NHLRC2: variants seen among roughly 807,000 people sequenced by gnomAD.
The protein encoded by NHLRC2 is NHL repeat containing 2, also known as NHL repeat-containing protein 2.
A neutral mutation model predicts 68.1 loss-of-function variants in NHLRC2; 33 were observed. That is an observed-to-expected ratio of 0.48 (90% CI 0.37 to 0.65). NHLRC2 has a LOEUF of 0.65. Among genes scored for constraint, NHLRC2 ranks in the 30% least tolerant of loss-of-function variants. NHLRC2 has a pLI of 0.00. For synonymous variants in NHLRC2, 311 were observed against 309.6 expected (o/e 1.00, Z -0.05); for missense variants, 761 against 853.8 (o/e 0.89, Z 1.35).
At chr10:113,867,046 A>G (rs949939798) in intron 2 of NHLRC2, among the ~76,000 whole-genome samples, 2 of 152,208 alleles carry the variant, frequency 1.3e-5, no homozygotes, top group African/African-American at 4.8e-5. Flanking sequence ...GGGGCTGGTC[A>G]TGTAGGCAGC....
chr10:113,884,218 C>G (rs748639621), intron 4 of NHLRC2, 33 bp from the exon 5 acceptor site: 14 of 1,588,630 alleles, frequency 8.8e-6, no homozygotes, highest in Non-Finnish European at 1.2e-5. Flanking sequence ...AAGTAACATT[C>G]ATTGCATAAA....
At chr10:113,900,756 C>T (rs1478562758) in intron 6 of NHLRC2, among the ~76,000 whole-genome samples, 56 of 152,248 alleles carry the variant, frequency 3.7e-4, no homozygotes, top group Non-Finnish European at 1.5e-5. Flanking sequence ...TTTATGCGTG[C>T]TAAATCCCTT....
At chr10:113,900,843 T>C (rs568591666) in intron 6 of NHLRC2, among the ~76,000 whole-genome samples, 1 of 152,280 alleles carries the variant, frequency 6.6e-6, no homozygotes, top group South Asian at 2.1e-4. Flanking sequence ...TTCAGACTTT[T>C]GCATGTTGTA....
intron 7 of NHLRC2, among the ~76,000 whole-genome samples, chr10:113,902,145 T>C (rs1846234763): frequency 1.3e-5 from 2 of 152,164 alleles, no homozygotes. Context: ...GGATGAAGCA[T>C]TGATTATTGG....
chr10:113,898,237 G>C (rs750958241), intron 6 of NHLRC2, 28 bp downstream of exon 6: 1 of 1,382,998 alleles, frequency 7.2e-7, no homozygotes, highest in Non-Finnish European at 1.0e-6. Context: ...TCTTTGAGTA[G>C]ACTGTACTAC....
rs1043275172 is a variant in NHLRC2 at position 113,910,583 on chromosome 10, A to G, written c.*2047A>G. The stretch of plus-strand genomic sequence containing the variant: ...GACAGGATGAGAATATTTTGGCCCA[A>G]TCATTTTCTGTTTAAGGACTTAAAC... On this transcript the variant is annotated 3_prime_UTR_variant, in exon 11 of 11. Transcript: ENST00000369301. The G allele has an allele frequency of 1.1e-4, 17 of 152,204 alleles. No homozygotes were observed. The highest frequency in any genetic ancestry group is 3.9e-4 in the African/African-American group (16 of 41,456). The allele number at this position is 152,204 out of a possible 1,614,324, so 9.4% of individuals were successfully genotyped here. A position where few individuals can be genotyped will look rare whatever the true frequency, so the allele number is the denominator to read the frequency against.
intron 3 of NHLRC2, 146 bp downstream of exon 3, chr10:113,877,122 G>A: frequency 2.0e-6 from 1 of 508,978 alleles, no homozygotes; most frequent in East Asian, 3.3e-5. Flanking sequence ...AAAATTTTTT[G>A]TTAATTAATA....
At chr10:113,866,435 G>A (rs1472199601) in intron 2 of NHLRC2, among the ~76,000 whole-genome samples, 3 of 151,996 alleles carry the variant, frequency 2.0e-5, no homozygotes. Context: ...TGAACATAAT[G>A]GCTATTATCT....
chr10:113,859,576 A>T (rs1002894688), intron 2 of NHLRC2, among the ~76,000 whole-genome samples: 1 of 152,236 alleles, frequency 6.6e-6, no homozygotes, highest in African/African-American at 2.4e-5. Context: ...TAAAATTACC[A>T]GTCAAATGAT....
At chr10:113,884,219 A>G in intron 4 of NHLRC2, 32 bp from the exon 5 acceptor site, 2 of 1,589,782 alleles carry the variant, frequency 1.3e-6, no homozygotes, top group Non-Finnish European at 1.7e-6. Context: ...AGTAACATTC[A>G]TTGCATAAAA....
At chr10:113,888,245 C>T (rs991151627) in intron 5 of NHLRC2, among the ~76,000 whole-genome samples, 2 of 152,114 alleles carry the variant, frequency 1.3e-5, no homozygotes, top group Non-Finnish European at 2.9e-5. Flanking sequence ...TAATTGTGCA[C>T]TGCATGGTGA....
At chr10:113,877,387 C>A (rs1316843976) in intron 3 of NHLRC2, among the ~76,000 whole-genome samples, 2 of 151,958 alleles carry the variant, frequency 1.3e-5, no homozygotes, top group Non-Finnish European at 2.9e-5. Context: ...CATGTCAGTG[C>A]CCCATGAACT....
At chr10:113,862,767 C>G (rs759367204) in intron 2 of NHLRC2, among the ~76,000 whole-genome samples, 1 of 152,106 alleles carries the variant, frequency 6.6e-6, no homozygotes, top group Non-Finnish European at 1.5e-5. Flanking sequence ...TAAAAGAGAG[C>G]TGGGATGGCT....
chr10:113,889,159 C>T lies in NHLRC2; in HGVS notation c.1039+4779C>T, dbSNP rs547834759. The stretch of plus-strand genomic sequence containing the variant: ...CTATCAGTATCTAAGTACTTTAAGA[C>T]TTTACCTGATTTTGAGTCATTTATA... On this transcript the variant is annotated intron_variant, in intron 5 of 10. Transcript: ENST00000369301. Among the ~76,000 whole-genome samples the T allele has an allele frequency of 4.6e-5, 7 of 152,128 alleles. No homozygotes were observed. The South Asian group carries it at 1.4e-3, about 31-fold the overall frequency.
rs1332203089 is a variant in NHLRC2 at position 113,902,589 on chromosome 10, A to G, written c.1490A>G (p.His497Arg). Residue 497 changes from histidine (H) to arginine (R), a missense_variant, in exon 8 of 11, where the codon CAC (histidine) becomes CGC (arginine). By Grantham distance (29) the His-to-Arg change is conservative. Transcript: ENST00000369301. ...NLLYVADSYN[H>R]KIKVVDPKTK... ...CTTTATGTTGCAGACTCCTACAATC[A>G]CAAGGTGAGTCGTGACAGAATTATA... is the stretch of plus-strand genomic sequence containing the variant. The G allele has an allele frequency of 1.2e-6, 2 of 1,601,040 alleles. No homozygotes were observed. Among genetic ancestry groups the G allele is most frequent in the Non-Finnish European group, 1.7e-6 (2 of 1,176,250 alleles).
chr10:113,892,784 C>T (rs916927405), intron 5 of NHLRC2, among the ~76,000 whole-genome samples: 3 of 152,046 alleles, frequency 2.0e-5, no homozygotes, highest in East Asian at 3.9e-4. Context: ...TTTGCAGCTC[C>T]ACATCTTAGT....
intron 2 of NHLRC2, among the ~76,000 whole-genome samples, chr10:113,865,888 T>A (rs1245546779): frequency 6.6e-6 from 1 of 152,214 alleles, no homozygotes; most frequent in African/African-American, 2.4e-5. Context: ...AAATTGAATT[T>A]GCTTTTTTGT....
chr10:113,884,937 A>C (rs1429281883), intron 5 of NHLRC2, among the ~76,000 whole-genome samples: 2 of 151,824 alleles, frequency 1.3e-5, no homozygotes, highest in Admixed American at 1.3e-4. Context: ...TTTATTATCT[A>C]TATTAATTGA....
chr10:113,873,200 C>G (rs1015496295), intron 2 of NHLRC2, among the ~76,000 whole-genome samples: 2 of 152,080 alleles, frequency 1.3e-5, no homozygotes, highest in African/African-American at 4.8e-5. Flanking sequence ...AAGAATCAAT[C>G]AAGGTTAAAG....
Sources: gnomAD v4.1 joint callset for allele counts (sites outside exome capture counted in the v4.1 genomes callset) on GRCh38, gnomAD v4.1.1 for gene constraint, MANE v1.5 for transcripts, NCBI Gene and HGNC (gene_info 2026-07-23, HGNC 2026-07-21) for gene names.